Variants in ATP1B1 observed in about 807,000 individuals in gnomAD.
The protein encoded by ATP1B1 is sodium/potassium-transporting ATPase subunit beta-1.
In ATP1B1, 3 loss-of-function variants were observed where a neutral mutation model predicts 39.6. That is an observed-to-expected ratio of 0.08 (90% CI 0.03 to 0.20). The LOEUF (loss-of-function observed/expected upper bound fraction) is 0.20, where lower values mean the gene tolerates loss of function less well. ATP1B1 is among the 10% of genes least tolerant of loss of function. The probability of loss-of-function intolerance (pLI) is 1.00; values close to 1 mark genes in which losing one functional copy is unlikely to be tolerated. For missense variants in ATP1B1, 216 were observed against 371.1 expected (o/e 0.58, Z 3.43); for synonymous variants, 139 against 135.0 (o/e 1.03, Z -0.20).
At chr1:169,116,830 A>T (rs1027685505) in intron 2 of ATP1B1, among the ~76,000 whole-genome samples, 31 of 152,026 alleles carry the variant, frequency 2.0e-4, no homozygotes, top group Middle Eastern at 3.4e-3. Flanking sequence ...CAGCCTGGGC[A>T]ACTAGAGCAA....
rs1658260886 is a variant in ATP1B1, at chr1:169,132,552, T to C, written c.*997T>C. 5 of 433,106 alleles carry C rather than the reference T, an allele frequency of 1.2e-5. No homozygotes were observed. In the South Asian group the frequency reaches 3.8e-4, roughly 33 times the overall value. The allele number at this position is 433,106 out of a possible 1,614,324, so 26.8% of individuals were successfully genotyped here. A position where few individuals can be genotyped will look rare whatever the true frequency, so the allele number is the denominator to read the frequency against. On this transcript the variant is annotated 3_prime_UTR_variant, in exon 6 of 6. Transcript: ENST00000367815. ...TCACTTGTTTGAAAATAAATCTTTA[T>C]TTTGAACTTTATAAAAAGCAATGCA...
In ATP1B1 at chr1:169,117,942, G is replaced by T. The variant is rs1007873890; in HGVS notation, c.226+6444G>T. 1.1e-4 allele frequency among the ~76,000 whole-genome samples: 16 copies of T among 152,346 alleles called. No homozygotes were observed. In the South Asian group the frequency reaches 1.7e-3, roughly 16 times the overall value. ...TAACAAATGTTATGTTTTATATCTA[G>T]ATAAGTCAAATATACTATATGTACT... is the stretch of plus-strand genomic sequence containing the variant. On this transcript the variant is annotated intron_variant, in intron 2 of 5. Coordinates refer to ENST00000367815, the MANE Select transcript of ATP1B1 (RefSeq NM_001677.4).
rs1658216898 is a variant in ATP1B1, at chr1:169,131,434, C to A, written c.791C>A (p.Thr264Asn). 6.2e-7 allele frequency: 1 copy of A among 1,614,022 alleles called. No homozygotes were observed. The highest frequency in any genetic ancestry group is 1.3e-5 in the African/African-American group (1 of 74,896). Residue 264 changes from threonine (T) to asparagine (N), a missense_variant, in exon 6 of 6, where the codon ACC (threonine) becomes AAC (asparagine). Coordinates refer to ENST00000367815, the MANE Select transcript of ATP1B1 (RefSeq NM_001677.4). This position sits in a 1 kb window ranked among gnomAD's most constrained non-coding sequence, Gnocchi z 4.4. ...YLQPLLAVQF[T>N]NLTMDTEIRI... ...CAGCCCCTGCTGGCCGTACAGTTCA[C>A]CAATCTTACCATGGACACTGAAATT...
At chr1:169,122,425 A>C (rs1375678934) in intron 2 of ATP1B1, among the ~76,000 whole-genome samples, 1 of 152,140 alleles carries the variant, frequency 6.6e-6, no homozygotes, top group African/African-American at 2.4e-5. Flanking sequence ...AGCATTAACT[A>C]TCTGTGGAAG....
chr1:169,125,175 A>G, intron 3 of ATP1B1, 136 bp downstream of exon 3: 1 of 1,175,820 alleles, frequency 8.5e-7, no homozygotes, highest in Non-Finnish European at 1.2e-6. Context: ...ATATTTAGAC[A>G]CTTTTTTTAA....
At chr1:169,115,205 A>G (rs1334043720) in intron 2 of ATP1B1, among the ~76,000 whole-genome samples, 4 of 125,706 alleles carry the variant, frequency 3.2e-5, no homozygotes, top group Middle Eastern at 7.9e-3. Context: ...AAAAAGAAAA[A>G]AAAGGGGGGT....
chr1:169,124,409 A>T (rs1658046566), intron 2 of ATP1B1, among the ~76,000 whole-genome samples: 1 of 152,222 alleles, frequency 6.6e-6, no homozygotes, highest in South Asian at 2.1e-4. Flanking sequence ...AAGGATTATA[A>T]AAGAAGACCT....
intron 2 of ATP1B1, among the ~76,000 whole-genome samples, chr1:169,123,333 T>C (rs1658021952): frequency 6.6e-6 from 1 of 151,326 alleles, no homozygotes; most frequent in South Asian, 2.1e-4. Flanking sequence ...TGGAGGGGAG[T>C]CTCTGAGACT....
In ATP1B1 at chr1:169,132,662, T is replaced by C. The variant is rs113442279; in HGVS notation, c.*1107T>C. The C allele has an allele frequency of 1.2e-6, 1 of 853,972 alleles. No homozygotes were observed. 52.9% of individuals were successfully genotyped at this position (853,972 alleles called of 1,614,324 possible). ...GTAATAATTGCCAGGAGTACAGTGC[T>C]CTTGTTGATCTTGTATTCAGTCAGG... On this transcript the variant is annotated 3_prime_UTR_variant, in exon 6 of 6. Transcript: ENST00000367815.
At chr1:169,109,983 G>A (rs1200283047) in intron 1 of ATP1B1, among the ~76,000 whole-genome samples, 2 of 152,016 alleles carry the variant, frequency 1.3e-5, no homozygotes, top group African/African-American at 4.8e-5. Flanking sequence ...ATTGAGTTGG[G>A]TGCTGTAGTT....
intron 2 of ATP1B1, among the ~76,000 whole-genome samples, chr1:169,113,029 C>T (rs1657760816): frequency 6.6e-6 from 1 of 151,308 alleles, no homozygotes; most frequent in African/African-American, 2.4e-5. Context: ...TTTGTTATGC[C>T]ATTTAAAAGT....
intron 2 of ATP1B1, among the ~76,000 whole-genome samples, chr1:169,121,791 C>A (rs1469501317): frequency 6.6e-6 from 1 of 152,188 alleles, no homozygotes; most frequent in Non-Finnish European, 1.5e-5. Flanking sequence ...GTGAGACTCT[C>A]CAAATCTCAG....
chr1:169,109,428 A>C (rs541930805), intron 1 of ATP1B1, among the ~76,000 whole-genome samples: 51 of 151,800 alleles, frequency 3.4e-4, no homozygotes, highest in African/African-American at 1.2e-3. Context: ...GCCACTGCAT[A>C]GGCCCCTCTA....
chr1:169,122,770 T>G (rs12406287), intron 2 of ATP1B1, among the ~76,000 whole-genome samples: 2 of 101,284 alleles, frequency 2.0e-5, no homozygotes, highest in Non-Finnish European at 4.1e-5. Flanking sequence ...TTTTTTTTTT[T>G]AATTGCGATA....
chr1:169,127,278 G>A lies in ATP1B1; in HGVS notation c.437G>A (p.Arg146Gln), dbSNP rs774828234. The A allele has an allele frequency of 3.7e-6, 6 of 1,605,728 alleles. No homozygotes were observed. The highest frequency in any genetic ancestry group is 2.3e-5 in the South Asian group (2 of 88,718). ...GACTTTAATCATGAACGAGGAGAGCGAAAGGTCTGCAGATTCAAGCTTGAA... is the reference window on the plus strand; with the variant it reads ...GACTTTAATCATGAACGAGGAGAGCAAAAGGTCTGCAGATTCAAGCTTGAA... ...RGDFNHERGERKVCRFKLEWL... is the reference protein window; with the variant it reads ...RGDFNHERGEQKVCRFKLEWL... The change falls in exon 4 of 6, where the codon CGA (arginine) becomes CAA (glutamine). Residue 146 changes from arginine (R) to glutamine (Q), a missense_variant. Transcript: ENST00000367815.
chr1:169,118,216 C>G (rs1346801232), intron 2 of ATP1B1, among the ~76,000 whole-genome samples: 1 of 152,186 alleles, frequency 6.6e-6, no homozygotes, highest in Non-Finnish European at 1.5e-5. Flanking sequence ...GAGGACGGAT[C>G]AGAGAAGAGC....
At chr1:169,107,084 T>G (rs543354960) in intron 1 of ATP1B1, among the ~76,000 whole-genome samples, 158 bp downstream of exon 1, 11 of 152,308 alleles carry the variant, frequency 7.2e-5, no homozygotes, top group African/African-American at 2.6e-4. Context: ...GGCCTGGGCT[T>G]GCAGTCCTGT....
Position 169,131,223 on chromosome 1 carries a change from C to T in ATP1B1, c.649-69C>T. On this transcript the variant is annotated intron_variant, in intron 5 of 5. Transcript: ENST00000367815. This position sits in a 1 kb window ranked among gnomAD's most constrained non-coding sequence, Gnocchi z 4.4. The stretch of plus-strand genomic sequence containing the variant: ...TTGCAAACTACTGTGTAGATTGAGT[C>T]TTGTTTTTGAGTACACATAGTGATG... The T allele has an allele frequency of 6.7e-7, 1 of 1,487,432 alleles. No homozygotes were observed. Among genetic ancestry groups the T allele is most frequent in the Non-Finnish European group, 9.0e-7 (1 of 1,108,310 alleles). The allele number at this position is 1,487,432 out of a possible 1,614,324, so 92.1% of individuals were successfully genotyped here. A position where few individuals can be genotyped will look rare whatever the true frequency, so the allele number is the denominator to read the frequency against.
At chr1:169,111,290 T>C in intron 1 of ATP1B1, 80 bp from the exon 2 acceptor site, 2 of 1,568,146 alleles carry the variant, frequency 1.3e-6, no homozygotes, top group Non-Finnish European at 1.7e-6. Flanking sequence ...GGAAGGAAGC[T>C]TGTTCATCCG....
Sources: gnomAD v4.1 joint callset for allele counts (sites outside exome capture counted in the v4.1 genomes callset) on GRCh38, gnomAD v4.1.1 for gene constraint, Gnocchi (gnomAD v3.1) non-coding constraint, MANE v1.5 for transcripts, NCBI Gene and HGNC (gene_info 2026-07-23, HGNC 2026-07-21) for gene names.